THAP5: variants seen among roughly 807,000 people sequenced by gnomAD.
The protein encoded by THAP5 is THAP domain containing 5, also known as THAP domain-containing protein 5.
A neutral mutation model predicts 34.0 loss-of-function variants in THAP5; 26 were observed. That is an observed-to-expected ratio of 0.77 (90% CI 0.56 to 1.06). THAP5 has a LOEUF of 1.06. THAP5 is among the 50% of genes least tolerant of loss of function. The pLI is 0.00. For missense variants in THAP5, 394 were observed against 452.8 expected (o/e 0.87, Z 1.18); for synonymous variants, 125 against 153.0 (o/e 0.82, Z 1.35).
chr7:108,558,570 G>A (rs576780152), downstream of THAP5, among the ~76,000 whole-genome samples: 1 of 151,016 alleles, frequency 6.6e-6, no homozygotes, highest in Non-Finnish European at 1.5e-5. Flanking sequence ...GCTAATATTT[G>A]TATTTTTAGT....
At chr7:108,558,381 G>GTGTGTATATATA (rs1321603472), downstream of THAP5, among the ~76,000 whole-genome samples, 1 of 93,824 alleles carries the variant, frequency 1.1e-5, no homozygotes, top group African/African-American at 4.6e-5. Flanking sequence ...GTGTGTGTAT[G>GTGTGTATATATA]TATATATATA....
intron 1 of THAP5, among the ~76,000 whole-genome samples, chr7:108,555,198 T>C (rs1864377793): frequency 6.6e-6 from 1 of 152,090 alleles, no homozygotes; most frequent in African/African-American, 2.4e-5. Flanking sequence ...AGAGTTTTGC[T>C]TTTGTTGCCC....
chr7:108,548,541 C>G, the THAP5 span, among the ~76,000 whole-genome samples: 1 of 152,166 alleles, frequency 6.6e-6, no homozygotes, highest in Non-Finnish European at 1.5e-5. Flanking sequence ...AGTCTGTTCT[C>G]ATGCTGCTAG....
downstream of THAP5, among the ~76,000 whole-genome samples, chr7:108,561,430 ATTT>A (rs372485775): frequency 2.3e-5 from 3 of 127,960 alleles, no homozygotes; most frequent in Non-Finnish European, 3.3e-5. Context: ...TGCCTGGCTG[ATTT>A]TTTTTTTTTT....
the THAP5 span, among the ~76,000 whole-genome samples, chr7:108,548,882 A>G: frequency 6.6e-6 from 1 of 152,156 alleles, no homozygotes; most frequent in East Asian, 1.9e-4. Flanking sequence ...CAGCCAAACC[A>G]TATCAGTCCT....
At position 108,569,631 on chromosome 7, in the gene THAP5, G is replaced by C; in HGVS notation, c.-62C>G. 1 of 1,540,952 alleles carries C rather than the reference G, an allele frequency of 6.5e-7. No homozygotes were observed. The highest frequency in any genetic ancestry group is 1.2e-5 in the South Asian group (1 of 83,874). On this transcript the variant is annotated 5_prime_UTR_variant, in exon 1 of 3. Transcript: ENST00000415914. ...CGGATGCAGGGCGGCCCTCCTCACT[G>C]AGGATGCGCCACAGGTCCAGGCCTC...
In THAP5 at chr7:108,564,034, T is replaced by C. The variant is rs1356846705; in HGVS notation, c.*157A>G. 7.3e-6 allele frequency: 4 copies of C among 546,502 alleles called. No homozygotes were observed. Among genetic ancestry groups the C allele is most frequent in the South Asian group, 5.6e-5 (1 of 17,748 alleles). 33.9% of individuals were successfully genotyped at this position (546,502 alleles called of 1,614,324 possible). A position where few individuals can be genotyped will look rare whatever the true frequency, so the allele number is the denominator to read the frequency against. ...GCCCAACTCTCTGGTTTTTCTTAAA[T>C]AAGTATTACAAGAATAGGATACAGT... On this transcript the variant is annotated 3_prime_UTR_variant, in exon 3 of 3. Coordinates refer to ENST00000415914, the MANE Select transcript of THAP5 (RefSeq NM_001130475.3).
intron 2 of THAP5, 33 bp downstream of exon 2, chr7:108,565,797 G>C (rs764448121): frequency 9.6e-5 from 142 of 1,472,990 alleles, no homozygotes; most frequent in Non-Finnish European, 1.2e-4. Flanking sequence ...CTGCCACTCT[G>C]CTCAGCATTA....
chr7:108,554,882 A>C (rs556828111), intron 1 of THAP5: 1 of 152,348 alleles, frequency 6.6e-6, no homozygotes, highest in African/African-American at 2.4e-5. Flanking sequence ...AGAGAAATAG[A>C]GAGATTTTAA....
At chr7:108,553,421 A>C (rs1465694081), downstream of THAP5, among the ~76,000 whole-genome samples, 1 of 152,214 alleles carries the variant, frequency 6.6e-6, no homozygotes, top group African/African-American at 2.4e-5. Flanking sequence ...ATAAACCAGC[A>C]TAACCGTAAT....
downstream of THAP5, among the ~76,000 whole-genome samples, chr7:108,560,634 G>A (rs1864420296): frequency 6.6e-6 from 1 of 152,246 alleles, no homozygotes; most frequent in Non-Finnish European, 1.5e-5. Flanking sequence ...ATAAGGTTTG[G>A]CTGGGAGAGA....
Position 108,569,700 on chromosome 7 carries a change from C to T in THAP5, c.-131G>A. On this transcript the variant is annotated 5_prime_UTR_variant, in exon 1 of 3. Coordinates refer to ENST00000415914, the MANE Select transcript of THAP5 (RefSeq NM_001130475.3). ...GCTAGCATTCTGCCGGGAAAGCCGC[C>T]TCGTCTGTCGACTCACTTCCGCCTC... The T allele has an allele frequency of 1.6e-6, 2 of 1,252,838 alleles. No homozygotes were observed. The highest frequency in any genetic ancestry group is 2.2e-6 in the Non-Finnish European group (2 of 905,054). The allele number at this position is 1,252,838 out of a possible 1,614,324, so 77.6% of individuals were successfully genotyped here. A position where few individuals can be genotyped will look rare whatever the true frequency, so the allele number is the denominator to read the frequency against.
At chr7:108,545,843 G>A in the THAP5 span, among the ~76,000 whole-genome samples, 2 of 152,054 alleles carry the variant, frequency 1.3e-5, no homozygotes, top group East Asian at 3.9e-4. Context: ...AGTGATATGT[G>A]TATTTTTAAC....
chr7:108,569,011 C>A, intron 1 of THAP5: 3 of 740,144 alleles, frequency 4.1e-6, no homozygotes, highest in Non-Finnish European at 5.0e-6. Context: ...GGCTCTGACA[C>A]TAAACTTTCA....
the THAP5 span, among the ~76,000 whole-genome samples, chr7:108,541,949 A>G: frequency 1.3e-5 from 2 of 152,204 alleles, no homozygotes; most frequent in African/African-American, 4.8e-5. Context: ...TTATATGTGA[A>G]GATGTTTTTC....
rs1216066516 is a variant in THAP5 at position 108,563,044 on chromosome 7, T to G, written c.*1147A>C. On this transcript the variant is annotated 3_prime_UTR_variant, in exon 3 of 3. Coordinates refer to ENST00000415914, the MANE Select transcript of THAP5 (RefSeq NM_001130475.3). ...CAAACTGTAATTTCTAAAATATATT[T>G]AAAATTAACCTCATTAAAATTTTTG... 1 of 152,210 alleles carries G rather than the reference T, an allele frequency of 6.6e-6. No homozygotes were observed. The highest frequency in any genetic ancestry group is 2.1e-4 in the South Asian group (1 of 4,822). The allele number at this position is 152,210 out of a possible 1,614,324, so 9.4% of individuals were successfully genotyped here. A position where few individuals can be genotyped will look rare whatever the true frequency, so the allele number is the denominator to read the frequency against.
intron 1 of THAP5, among the ~76,000 whole-genome samples, chr7:108,567,587 T>C (rs961591293): frequency 6.6e-6 from 1 of 152,192 alleles, no homozygotes; most frequent in African/African-American, 2.4e-5. Flanking sequence ...GTCTTTATAT[T>C]GGTTCAATTC....
At chr7:108,547,816 A>G in the THAP5 span, among the ~76,000 whole-genome samples, 1 of 152,174 alleles carries the variant, frequency 6.6e-6, no homozygotes, top group Non-Finnish European at 1.5e-5. Flanking sequence ...GGGTTTTTAG[A>G]TGATAAAATA....
rs916527315 is a variant in THAP5, at chr7:108,565,846, A to C, written c.257T>G (p.Leu86Trp). The C allele has an allele frequency of 4.5e-6, 7 of 1,545,724 alleles. No homozygotes were observed. The African/African-American group carries it at 9.6e-5, about 21-fold the overall frequency. Residue 86 changes from leucine (L) to tryptophan (W), a missense_variant, in exon 2 of 3, where the codon TTG becomes TGG. Leu to Trp is a moderately conservative substitution (Grantham distance 61). Coordinates refer to ENST00000415914, the MANE Select transcript of THAP5 (RefSeq NM_001130475.3). ...CTGCAATACCTGATTGTCTTCAGGCAAAGAAAATATTGTTGGAACTGCAGT... is the reference window on the plus strand; with the variant it reads ...CTGCAATACCTGATTGTCTTCAGGCCAAGAAAATATTGTTGGAACTGCAGT... ...KQTAVPTIFS[L>W]PEDNQGKDPS...
Sources: gnomAD v4.1 joint callset for allele counts (sites outside exome capture counted in the v4.1 genomes callset) on GRCh38, gnomAD v4.1.1 for gene constraint, MANE v1.5 for transcripts, NCBI Gene and HGNC (gene_info 2026-07-23, HGNC 2026-07-21) for gene names.